Variants in FBXL7 observed in about 807,000 individuals in gnomAD.
The protein encoded by FBXL7 is F-box/LRR-repeat protein 7.
FBXL7 carries 12 observed loss-of-function variants against 38.3 expected under a neutral mutation model. That is an observed-to-expected ratio of 0.31 (90% CI 0.20 to 0.51). FBXL7 has a LOEUF of 0.51. Among genes scored for constraint, FBXL7 ranks in the 20% least tolerant of loss-of-function variants. The pLI is 0.98. For synonymous variants in FBXL7, 297 were observed against 300.9 expected, an observed-to-expected ratio of 0.99 and a Z score of 0.13; for missense variants, 567 against 676.4, an observed-to-expected ratio of 0.84 and a Z score of 1.79.
At chr5:15,771,845 G>A (rs1323997392) in intron 2 of FBXL7, among the ~76,000 whole-genome samples, 1 of 144,112 alleles carries the variant, frequency 6.9e-6, no homozygotes, top group African/African-American at 2.6e-5. Flanking sequence ...TTGGCTCACT[G>A]AAACTTCCGC....
chr5:15,612,702 AAATGTGCCCGATACAGTCAG>A (rs1469963758), intron 1 of FBXL7, among the ~76,000 whole-genome samples: 2 of 152,164 alleles, frequency 1.3e-5, no homozygotes, highest in African/African-American at 4.8e-5. Flanking sequence ...GCAGTCTTAA[AAATGTGCCCGATACAGTCAG>A]ACTCAGTGAA....
chr5:15,845,029 A>G (rs535937964), intron 2 of FBXL7, among the ~76,000 whole-genome samples: 7 of 152,296 alleles, frequency 4.6e-5, no homozygotes, highest in African/African-American at 1.4e-4. Context: ...CAGCTTAGCC[A>G]TCGGCCTTCT....
intron 2 of FBXL7, among the ~76,000 whole-genome samples, chr5:15,663,967 A>G (rs75564603): frequency 0.021 from 3,225 of 152,096 alleles, 129 homozygotes; most frequent in African/African-American, 0.074. Flanking sequence ...AATTGTTGAT[A>G]TGGTTGTATT....
chr5:15,591,522 A>G lies in FBXL7; in HGVS notation c.38-24461A>G, dbSNP rs1283161564. 2.6e-5 allele frequency among the ~76,000 whole-genome samples: 4 copies of G among 152,246 alleles called. No homozygotes were observed. In the East Asian group the frequency reaches 7.7e-4, roughly 29 times the overall value. Reference sequence around the variant, plus strand: ...AAAATGAAAATAATATTCTTGTTAAAGGTTTGGGCACCTAGGAAGGCTGAG... The same window carrying G: ...AAAATGAAAATAATATTCTTGTTAAGGGTTTGGGCACCTAGGAAGGCTGAG... On this transcript the variant is annotated intron_variant, in intron 1 of 3. Coordinates refer to ENST00000504595, the MANE Select transcript of FBXL7 (RefSeq NM_012304.5).
At chr5:15,921,951 A>G (rs13164363) in intron 2 of FBXL7, among the ~76,000 whole-genome samples, 68,603 of 151,818 alleles carry the variant, frequency 0.45, 17,649 homozygotes, top group African/African-American at 0.69. Context: ...GTAGAGTACC[A>G]TATGACCCAG....
At chr5:15,838,411 A>T (rs1738648766) in intron 2 of FBXL7, among the ~76,000 whole-genome samples, 1 of 152,028 alleles carries the variant, frequency 6.6e-6, no homozygotes, top group South Asian at 2.1e-4. Flanking sequence ...AATCCCACTC[A>T]TGAGTGCTCC....
At chr5:15,719,111 T>C (rs1744124435) in intron 2 of FBXL7, among the ~76,000 whole-genome samples, 3 of 152,194 alleles carry the variant, frequency 2.0e-5, no homozygotes, top group Non-Finnish European at 4.4e-5. Context: ...ATTCACACAT[T>C]TCTCCAGGGG....
At chr5:15,665,782 A>T (rs2126590391) in intron 2 of FBXL7, among the ~76,000 whole-genome samples, 1 of 152,300 alleles carries the variant, frequency 6.6e-6, no homozygotes, top group Non-Finnish European at 1.5e-5. Context: ...CGCTCAAAGT[A>T]TCTGCCAAGT....
chr5:15,899,945 CCT>C (rs758797118), intron 2 of FBXL7, among the ~76,000 whole-genome samples: 3 of 151,960 alleles, frequency 2.0e-5, no homozygotes, highest in Non-Finnish European at 4.4e-5. Context: ...GAAATTTGTC[CCT>C]GGTACTGAGA....
At chr5:15,899,584 C>A (rs1030084089) in intron 2 of FBXL7, among the ~76,000 whole-genome samples, 1 of 152,062 alleles carries the variant, frequency 6.6e-6, no homozygotes, top group Non-Finnish European at 1.5e-5. Context: ...AACCAAAAAA[C>A]CCTAGTTTTG....
In FBXL7 at chr5:15,927,764, T is replaced by TAAAAAAAAAAAAA. The variant is rs753935096; in HGVS notation, c.128-115_128-103dup. On this transcript the variant is annotated intron_variant, in intron 2 of 3. Coordinates refer to ENST00000504595, the MANE Select transcript of FBXL7 (RefSeq NM_012304.5). Reference sequence around the variant, plus strand: ...CACTCCCGCCTGGGCGACAAGATCTTAAAAAAAAAAAAAAAAAAAAAAAGA... The same window carrying TAAAAAAAAAAAAA: ...CACTCCCGCCTGGGCGACAAGATCTTAAAAAAAAAAAAAAAAAAAAAAAAAAAAAAAAAAAAGA... 3.7e-4 allele frequency: 167 copies of TAAAAAAAAAAAAA among 456,710 alleles called. 1 individual carries two copies. The highest frequency in any genetic ancestry group is 1.5e-3 in the Admixed American group (16 of 10,674). 28.3% of individuals were successfully genotyped at this position (456,710 alleles called of 1,614,324 possible).
Position 15,801,679 on chromosome 5 carries a change from TTG to T in FBXL7, c.128-126195_128-126194del, listed in dbSNP as rs765733185. On this transcript the variant is annotated intron_variant, in intron 2 of 3. Coordinates refer to ENST00000504595, the MANE Select transcript of FBXL7 (RefSeq NM_012304.5). ...TGTGCGCGCGCGCGTGTGTGTGTGTTTGTGTGTGTGTGTGTGTTGCACATCAA... is the reference window on the plus strand; with the variant it reads ...TGTGCGCGCGCGCGTGTGTGTGTGTTTGTGTGTGTGTGTGTTGCACATCAA... Among the ~76,000 whole-genome samples, 103 of 141,166 alleles carry T rather than the reference TTG, an allele frequency of 7.3e-4. 1 individual carries two copies. The highest frequency in any genetic ancestry group is 2.7e-3 in the South Asian group (12 of 4,390). 92.6% of individuals were successfully genotyped at this position (141,166 alleles called of 152,430 possible).
intron 2 of FBXL7, among the ~76,000 whole-genome samples, chr5:15,637,893 T>G (rs759732606): frequency 1.3e-5 from 2 of 152,160 alleles, no homozygotes; most frequent in Non-Finnish European, 2.9e-5. Context: ...TCAACAAGTG[T>G]GGACCAATCA....
At chr5:15,733,835 G>A (rs1417027441) in intron 2 of FBXL7, among the ~76,000 whole-genome samples, 4 of 152,282 alleles carry the variant, frequency 2.6e-5, no homozygotes, top group Admixed American at 1.3e-4. Context: ...ATGGCCGGGT[G>A]CAGTGGCTCA....
At chr5:15,746,116 A>G (rs151166066) in intron 2 of FBXL7, among the ~76,000 whole-genome samples, 1 of 152,168 alleles carries the variant, frequency 6.6e-6, no homozygotes, top group East Asian at 1.9e-4. Flanking sequence ...GAATGATACT[A>G]GTCAAGAGTG....
intron 1 of FBXL7, among the ~76,000 whole-genome samples, chr5:15,570,334 G>C (rs528753090): frequency 2.0e-5 from 3 of 152,194 alleles, no homozygotes; most frequent in South Asian, 2.1e-4. Context: ...TGTATTTGTC[G>C]AGGAATTTAT....
At chr5:15,580,924 G>A (rs535658850) in intron 1 of FBXL7, 15 of 611,984 alleles carry the variant, frequency 2.5e-5, no homozygotes, top group African/African-American at 2.0e-4. Flanking sequence ...TTAGCTAGCC[G>A]GGTGACCCAG....
intron 2 of FBXL7, among the ~76,000 whole-genome samples, chr5:15,686,099 T>A (rs1743009565): frequency 1.3e-5 from 2 of 152,176 alleles, no homozygotes; most frequent in Admixed American, 1.3e-4. Flanking sequence ...ATGCACTTGA[T>A]GTACTGAAAC....
chr5:15,702,624 T>A (rs1743564491), intron 2 of FBXL7, among the ~76,000 whole-genome samples: 1 of 152,196 alleles, frequency 6.6e-6, no homozygotes, highest in African/African-American at 2.4e-5. Context: ...AAAAATAAAA[T>A]TACCTGAAGT....
Sources: allele counts gnomAD v4.1 joint callset (sites outside exome capture counted in the v4.1 genomes callset), GRCh38; gene constraint gnomAD v4.1.1; transcripts MANE v1.5; gene names NCBI Gene and HGNC (gene_info 2026-07-23, HGNC 2026-07-21).